The following KANK4 variants were observed in gnomAD, a reference collection of about 807,000 sequenced individuals.
KANK4 encodes KN motif and ankyrin repeat domain-containing protein 4.
Under a neutral mutation model 80.8 loss-of-function variants are expected in KANK4, and 50 were observed. That is an observed-to-expected ratio of 0.62 (90% CI 0.49 to 0.78). The LOEUF (loss-of-function observed/expected upper bound fraction) is 0.78. Among genes scored for constraint, KANK4 ranks in the 30% least tolerant of loss-of-function variants. The probability of loss-of-function intolerance (pLI) is 0.00; values close to 1 mark genes in which losing one functional copy is unlikely to be tolerated. For synonymous variants in KANK4, 465 were observed against 506.9 expected, an observed-to-expected ratio of 0.92 and a Z score of 1.11; for missense variants, 1,196 against 1,240.1, an observed-to-expected ratio of 0.96 and a Z score of 0.53.
chr1:62,268,742 G>T (rs1299397241), intron 4 of KANK4, among the ~76,000 whole-genome samples: 3 of 152,182 alleles, frequency 2.0e-5, no homozygotes, highest in Non-Finnish European at 4.4e-5. Context: ...AATTAACTGT[G>T]CTTATTGTCA....
chr1:62,268,841 A>G (rs1672091754), intron 4 of KANK4, among the ~76,000 whole-genome samples: 1 of 152,220 alleles, frequency 6.6e-6, no homozygotes, highest in Non-Finnish European at 1.5e-5. Context: ...CAGGCCATCC[A>G]GCGTTCTCAT....
chr1:62,305,056 G>T (rs1201424342), intron 1 of KANK4, among the ~76,000 whole-genome samples: 1 of 152,178 alleles, frequency 6.6e-6, no homozygotes, highest in Non-Finnish European at 1.5e-5. Flanking sequence ...GAAAAGGAGG[G>T]TGCAGGAAGG....
intron 2 of KANK4, among the ~76,000 whole-genome samples, chr1:62,280,479 T>C (rs1672429062): frequency 1.3e-5 from 2 of 152,122 alleles, no homozygotes; most frequent in South Asian, 2.1e-4. Context: ...TTGAAATAAA[T>C]GGGAACTGCA....
chr1:62,272,054 G>A (rs1033890063), intron 3 of KANK4: 3 of 158,948 alleles, frequency 1.9e-5, no homozygotes, highest in African/African-American at 7.2e-5. Context: ...AGATACACGA[G>A]CAAGGACACA....
At chr1:62,287,832 C>G (rs538251014) in intron 1 of KANK4, among the ~76,000 whole-genome samples, 1 of 152,280 alleles carries the variant, frequency 6.6e-6, no homozygotes, top group South Asian at 2.1e-4. Flanking sequence ...ATACCAACAT[C>G]ACTTTTCTCA....
Position 62,268,414 on chromosome 1 carries a change from G to C in KANK4, c.2104C>G (p.Pro702Ala). Residue 702 changes from proline to alanine, a missense_variant, in exon 5 of 10, where the codon CCA becomes GCA. Around this residue, in one of 3 missense-constraint regions of KANK4, gnomAD observed 1,154 missense variants for 1,179.6 expected, o/e 0.98. Coordinates refer to ENST00000371153, the MANE Select transcript of KANK4 (RefSeq NM_181712.5). ...GCATCTTTGACATGCTTGTGATCTG[G>C]GCCGTCACACTTCTTCTCTGCCTCG... ...DSEAEKKCDG[P>A]DHKHVKDAHL... 1 of 1,613,918 alleles carries C rather than the reference G, an allele frequency of 6.2e-7. No homozygotes were observed.
At chr1:62,270,331 T>G (rs1044163416) in intron 4 of KANK4, among the ~76,000 whole-genome samples, 1 of 151,906 alleles carries the variant, frequency 6.6e-6, no homozygotes, top group Non-Finnish European at 1.5e-5. Context: ...TTAGTGGAAG[T>G]GGGAACAGCA....
chr1:62,258,675 T>G (rs1001320713), intron 7 of KANK4, among the ~76,000 whole-genome samples: 1 of 152,140 alleles, frequency 6.6e-6, no homozygotes, highest in African/African-American at 2.4e-5. Flanking sequence ...CAGGAACTGG[T>G]CTAGGTGTTA....
chr1:62,299,219 G>A (rs1644391810), intron 1 of KANK4, among the ~76,000 whole-genome samples: 1 of 152,014 alleles, frequency 6.6e-6, no homozygotes. Context: ...CATGATGCCT[G>A]GCTAATTTTT....
chr1:62,240,828 C>G (rs1259439138), intron 9 of KANK4, among the ~76,000 whole-genome samples: 1 of 152,248 alleles, frequency 6.6e-6, no homozygotes, highest in East Asian at 1.9e-4. Context: ...AGAAGCTGCA[C>G]CCAGAGGGCT....
intron 8 of KANK4, among the ~76,000 whole-genome samples, chr1:62,249,001 A>C (rs1479074789): frequency 2.8e-4 from 2 of 7,094 alleles, no homozygotes; most frequent in Admixed American, 4.4e-3. Context: ...TGTCTCTACT[A>C]AAAAAAAAAA....
rs140099321 is a variant in KANK4 at position 62,273,212 on chromosome 1, G to A, written c.1892C>T (p.Pro631Leu). Residue 631 changes from proline (P) to leucine (L), a missense_variant, in exon 3 of 10, where the codon CCG becomes CTG. Pro to Leu is a moderately conservative substitution (Grantham distance 98). Coordinates refer to ENST00000371153, the MANE Select transcript of KANK4 (RefSeq NM_181712.5). ...ATATTGATGGTATTTACCCACTGGC[G>A]GGGAGGAGGAGGAGGCCGGTGGCTC... The part of the protein sequence containing the change: ...PKEPPASSSS[P>L]PVEISPSTSL... 21 of 1,512,126 alleles carry A rather than the reference G, an allele frequency of 1.4e-5. No individual in the cohort carries two copies. The African/African-American group carries it at 2.5e-4, about 18-fold the overall frequency. The allele number at this position is 1,512,126 out of a possible 1,614,324, so 93.7% of individuals were successfully genotyped here.
rs116036359 is a variant in KANK4 at position 62,246,285 on chromosome 1, G to A, written c.2883+1187C>T. Among the ~76,000 whole-genome samples, 1,083 of 152,268 alleles carry A rather than the reference G, an allele frequency of 7.1e-3. 8 individuals are homozygous for A. The highest frequency in any genetic ancestry group is 0.011 in the Non-Finnish European group (749 of 68,026). On this transcript the variant is annotated intron_variant, in intron 9 of 9. Coordinates refer to ENST00000371153, the MANE Select transcript of KANK4 (RefSeq NM_181712.5). ...GTGACTGACAGTGCAACTTCAAGTA[G>A]GCTGGCTCGATGGAATGGGCTGCTT...
chr1:62,275,236 T>C, intron 2 of KANK4, 149 bp from the exon 3 acceptor site: 1 of 627,252 alleles, frequency 1.6e-6, no homozygotes, highest in Non-Finnish European at 2.7e-6. Context: ...GCTGAGATGC[T>C]CAGTCTTTTT....
chr1:62,253,295 C>T (rs907917171), intron 7 of KANK4, 86 bp from the exon 8 acceptor site: 31 of 1,330,678 alleles, frequency 2.3e-5, no homozygotes, highest in South Asian at 3.1e-5. Context: ...GGACACTGCT[C>T]GCTGGTTAGA....
At chr1:62,238,810 T>A (rs1399799733) in intron 9 of KANK4, among the ~76,000 whole-genome samples, 1 of 151,972 alleles carries the variant, frequency 6.6e-6, no homozygotes, top group Non-Finnish European at 1.5e-5. Flanking sequence ...TTGTATCTTT[T>A]GTAGAGACGG....
At chr1:62,266,496 A>G (rs957182250) in intron 6 of KANK4, among the ~76,000 whole-genome samples, 3 of 149,600 alleles carry the variant, frequency 2.0e-5, no homozygotes, top group Admixed American at 2.0e-4. Context: ...ACTGCCTCAC[A>G]CACACACCAC....
chr1:62,248,290 A>C (rs1671521143), intron 8 of KANK4, among the ~76,000 whole-genome samples: 1 of 152,190 alleles, frequency 6.6e-6, no homozygotes, highest in South Asian at 2.1e-4. Context: ...AATGAGCCGG[A>C]ATCAGAAAGC....
chr1:62,313,872 A>ATT (rs112956438), intron 1 of KANK4, among the ~76,000 whole-genome samples: 1 of 151,612 alleles, frequency 6.6e-6, no homozygotes, highest in African/African-American at 2.4e-5. Context: ...AAAATAATAA[A>ATT]TTTTTTTTTA....
Sources: gnomAD v4.1 joint callset for allele counts (sites outside exome capture counted in the v4.1 genomes callset) on GRCh38, gnomAD v4.1.1 for gene constraint, gnomAD v4.1.1 regional missense constraint, MANE v1.5 for transcripts, NCBI Gene and HGNC (gene_info 2026-07-23, HGNC 2026-07-21) for gene names.